Variants in ZNF362 observed in about 807,000 individuals in gnomAD.
ZNF362 encodes zinc finger protein 362.
In ZNF362, 11 loss-of-function variants were observed where a neutral mutation model predicts 42.9. The observed-to-expected ratio is 0.26, with a 90% confidence interval of 0.16 to 0.42. The LOEUF is 0.42. Ranked by LOEUF, ZNF362 falls within the 20% of genes least tolerant of loss-of-function variation. ZNF362 has a pLI of 1.00. For missense variants in ZNF362, 362 were observed against 576.2 expected (o/e 0.63, Z 3.81); for synonymous variants, 255 against 257.3 (o/e 0.99, Z 0.09).
At chr1:33,138,817 T>C in the ZNF362 span, among the ~76,000 whole-genome samples, 1 of 152,096 alleles carries the variant, frequency 6.6e-6, no homozygotes, top group Non-Finnish European at 1.5e-5. Context: ...ACATTTTAAA[T>C]GAGAAAATCT....
the ZNF362 span, among the ~76,000 whole-genome samples, chr1:33,157,636 C>T: frequency 1.3e-5 from 2 of 152,170 alleles, no homozygotes; most frequent in Non-Finnish European, 2.9e-5. Context: ...GCACCTAGAA[C>T]AGTTCCTGAT....
At chr1:33,270,910 G>A (rs926821752) in intron 2 of ZNF362, among the ~76,000 whole-genome samples, 1 of 152,194 alleles carries the variant, frequency 6.6e-6, no homozygotes, top group African/African-American at 2.4e-5. Context: ...GGCTGTGTTT[G>A]TCAGCATTGG....
chr1:33,151,018 CG>C, the ZNF362 span, among the ~76,000 whole-genome samples: 1 of 151,956 alleles, frequency 6.6e-6, no homozygotes, highest in African/African-American at 2.4e-5. Context: ...TGGTGCGGGG[CG>C]GGGGGTACCC....
the ZNF362 span, among the ~76,000 whole-genome samples, chr1:33,173,041 C>T: frequency 2.0e-5 from 3 of 152,212 alleles, 1 homozygote; most frequent in South Asian, 6.2e-4. Context: ...CTTTCCCTCT[C>T]TGACCCAAGG....
At chr1:33,153,101 G>C in the ZNF362 span, among the ~76,000 whole-genome samples, 1 of 152,268 alleles carries the variant, frequency 6.6e-6, no homozygotes, top group African/African-American at 2.4e-5. Flanking sequence ...GCTGGATGGG[G>C]TTCTCAGGTG....
chr1:33,166,519 T>A, the ZNF362 span, among the ~76,000 whole-genome samples: 1 of 152,132 alleles, frequency 6.6e-6, no homozygotes, highest in Non-Finnish European at 1.5e-5. Context: ...TTATATTAAA[T>A]CATTTGGGCC....
the ZNF362 span, among the ~76,000 whole-genome samples, chr1:33,233,486 C>T: frequency 3.3e-5 from 5 of 151,970 alleles, no homozygotes; most frequent in African/African-American, 1.2e-4. Flanking sequence ...TCACTGAAAC[C>T]TCCGCCTCCC....
chr1:33,267,216 C>T (rs551172765), intron 1 of ZNF362, among the ~76,000 whole-genome samples: 2 of 152,264 alleles, frequency 1.3e-5, no homozygotes, highest in African/African-American at 2.4e-5. Context: ...AAAAATATTC[C>T]CTTAAAAAGT....
chr1:33,282,050 G>A (rs1290528230), intron 6 of ZNF362: 4 of 553,614 alleles, frequency 7.2e-6, no homozygotes, highest in East Asian at 3.0e-5. Context: ...CCCCTCTCCC[G>A]CTTTTCCCTG....
the ZNF362 span, among the ~76,000 whole-genome samples, chr1:33,159,251 T>A: frequency 6.6e-6 from 1 of 152,126 alleles, no homozygotes; most frequent in African/African-American, 2.4e-5. The surrounding 1 kb of genome is among the most constrained non-coding windows in gnomAD (Gnocchi z 4.2). Flanking sequence ...TAACACGTAA[T>A]GCCAACATTA....
rs973471678 is a variant in ZNF362, at chr1:33,266,664, C to T, written c.-88-3823C>T. Among the ~76,000 whole-genome samples, 2 of 152,166 alleles carry T rather than the reference C, an allele frequency of 1.3e-5. No individual in the cohort carries two copies. Among genetic ancestry groups the T allele is most frequent in the Non-Finnish European group, 2.9e-5 (2 of 68,016 alleles). On this transcript the variant is annotated intron_variant, in intron 1 of 8. Transcript: ENST00000539719. The surrounding 1 kb of genome is among the most constrained non-coding windows in gnomAD (Gnocchi z 4.3). ...CCTACATGGGGGACTGGACAAATAACCAGATAACCAGACAGTTCCTCAAGG... is the reference window on the plus strand; with the variant it reads ...CCTACATGGGGGACTGGACAAATAATCAGATAACCAGACAGTTCCTCAAGG...
chr1:33,187,873 C>CA, the ZNF362 span, among the ~76,000 whole-genome samples: 1 of 152,158 alleles, frequency 6.6e-6, no homozygotes, highest in Non-Finnish European at 1.5e-5. Context: ...TCTTGGCTTC[C>CA]AGACCTATGT....
At chr1:33,287,165 T>C (rs1646038932) in intron 6 of ZNF362, among the ~76,000 whole-genome samples, 1 of 152,232 alleles carries the variant, frequency 6.6e-6, no homozygotes, top group Non-Finnish European at 1.5e-5. Flanking sequence ...ACATTTTCTG[T>C]TCTTGTTAGT....
intron 6 of ZNF362, 190 bp downstream of exon 6, chr1:33,282,001 T>C (rs1645998297): frequency 1.6e-6 from 1 of 609,098 alleles, no homozygotes; most frequent in South Asian, 1.9e-5. Flanking sequence ...TTCTCATCTC[T>C]AGGTCTTTGC....
At chr1:33,160,276 G>A in the ZNF362 span, among the ~76,000 whole-genome samples, 2 of 152,190 alleles carry the variant, frequency 1.3e-5, no homozygotes, top group African/African-American at 4.8e-5. Flanking sequence ...AGAAGAGAAA[G>A]GAGCTGGGGA....
the ZNF362 span, among the ~76,000 whole-genome samples, chr1:33,153,262 A>G: frequency 6.6e-6 from 1 of 152,176 alleles, no homozygotes. Context: ...CCCCACAGAC[A>G]AAGAAAGGGG....
the ZNF362 span, among the ~76,000 whole-genome samples, chr1:33,139,508 G>A: frequency 6.6e-6 from 1 of 152,186 alleles, no homozygotes; most frequent in African/African-American, 2.4e-5. Flanking sequence ...CCTGCCTTGA[G>A]TGGGACATGA....
the ZNF362 span, among the ~76,000 whole-genome samples, chr1:33,154,095 A>G: frequency 2.6e-5 from 4 of 152,228 alleles, no homozygotes; most frequent in African/African-American, 4.8e-5. Flanking sequence ...AGCCGAAGGG[A>G]ATGGCATGTG....
chr1:33,236,996 G>T, the ZNF362 span, among the ~76,000 whole-genome samples: 2 of 151,848 alleles, frequency 1.3e-5, no homozygotes, highest in Admixed American at 6.6e-5. Context: ...ATTTGAACCT[G>T]GGAGGCGGAG....
Sources: gnomAD v4.1 joint callset for allele counts (sites outside exome capture counted in the v4.1 genomes callset) on GRCh38, gnomAD v4.1.1 for gene constraint, Gnocchi (gnomAD v3.1) non-coding constraint, MANE v1.5 for transcripts, NCBI Gene and HGNC (gene_info 2026-07-23, HGNC 2026-07-21) for gene names.